Variants in MCM5 observed in about 807,000 individuals in gnomAD.
MCM5 encodes DNA replication licensing factor MCM5.
MCM5 carries 46 observed loss-of-function variants against 79.9 expected under a neutral mutation model. The observed-to-expected ratio is 0.58, with a 90% CI of 0.45 to 0.74. The LOEUF (loss-of-function observed/expected upper bound fraction) is 0.74. Among genes scored for constraint, MCM5 ranks in the 30% least tolerant of loss-of-function variants. MCM5 has a pLI of 0.00. For synonymous variants in MCM5, 404 were observed against 390.5 expected (o/e 1.03, Z -0.41); for missense variants, 883 against 1,017.0 (o/e 0.87, Z 1.79).
At chr22:35,404,892 G>A (rs566194741) in intron 4 of MCM5, among the ~76,000 whole-genome samples, 83 of 152,336 alleles carry the variant, frequency 5.4e-4, no homozygotes, top group African/African-American at 1.9e-3. Flanking sequence ...ATAGGAAGGA[G>A]TGGATCGGCT....
the MCM5 span, among the ~76,000 whole-genome samples, chr22:35,436,955 C>T: frequency 2.2e-5 from 2 of 92,498 alleles, no homozygotes; most frequent in Non-Finnish European, 3.0e-5. Flanking sequence ...GAGAGGGGTC[C>T]CAAGACTCAG....
chr22:35,421,275 A>G, intron 14 of MCM5, 43 bp from the exon 15 acceptor site: 1 of 1,591,418 alleles, frequency 6.3e-7, no homozygotes, highest in South Asian at 1.1e-5. Flanking sequence ...GAGGAAGGGA[A>G]TAGCGGACCG....
the MCM5 span, among the ~76,000 whole-genome samples, chr22:35,433,502 C>T: frequency 1.3e-5 from 2 of 152,208 alleles, no homozygotes; most frequent in Non-Finnish European, 2.9e-5. Flanking sequence ...TCCAATGCTC[C>T]TCTCCTAACC....
At chr22:35,420,118 G>A in intron 14 of MCM5, 106 bp downstream of exon 14, 2 of 1,331,548 alleles carry the variant, frequency 1.5e-6, no homozygotes, top group Non-Finnish European at 2.0e-6. Flanking sequence ...CTTGGCACAG[G>A]CCCATAGTAG....
chr22:35,450,652 G>A, the MCM5 span, among the ~76,000 whole-genome samples: 8 of 152,182 alleles, frequency 5.3e-5, no homozygotes, highest in Non-Finnish European at 8.8e-5. Flanking sequence ...GAGGAGCATC[G>A]AATGAGAAGA....
intron 11 of MCM5, 107 bp downstream of exon 11, chr22:35,416,511 C>CTGTGTGTGTGTGTGTGTGTGTGTG (rs133421): frequency 2.9e-6 from 3 of 1,024,210 alleles, no homozygotes; most frequent in South Asian, 3.0e-5. Context: ...GGCCTAGAAT[C>CTGTGTGTGTGTGTGTGTGTGTGTG]TGTGTGTGTG....
the MCM5 span, among the ~76,000 whole-genome samples, chr22:35,432,216 G>C: frequency 6.6e-6 from 1 of 152,184 alleles, no homozygotes; most frequent in Non-Finnish European, 1.5e-5. Context: ...CTTCCTGCTT[G>C]GGGGAGAAAG....
In MCM5 at chr22:35,400,488, G is replaced by T. The variant is rs1290401825; in HGVS notation, c.50G>T (p.Gly17Val). The T allele has an allele frequency of 1.9e-6, 3 of 1,614,128 alleles. No individual in the cohort carries two copies. The highest frequency in any genetic ancestry group is 1.7e-5 in the Admixed American group (1 of 60,028). ...PGIFYSDSFG[G>V]DAQADEGQAR... ...ATTTTCTACAGCGACAGCTTCGGGG[G>T]CGACGCCCAGGCCGACGAGGGGCAG... Residue 17 changes from glycine to valine, a missense_variant, in exon 2 of 17, where the codon GGC becomes GTC. Around this residue, in one of 3 missense-constraint regions of MCM5, gnomAD observed 455 missense variants for 517.5 expected, o/e 0.88. Transcript: ENST00000216122.
the MCM5 span, among the ~76,000 whole-genome samples, chr22:35,454,239 C>T: frequency 2.7e-3 from 408 of 152,252 alleles, 3 homozygotes; most frequent in African/African-American, 9.0e-3. Flanking sequence ...TCTGCACGTT[C>T]TCTAAGGCTT....
rs1932768722 is a variant in MCM5 at position 35,425,348 on chromosome 22, T to TTGCCTTG, written c.*1094_*1095insGCCTTGT. The TTGCCTTG allele has an allele frequency of 6.6e-6, 1 of 152,202 alleles. No homozygotes were observed. Among genetic ancestry groups the TTGCCTTG allele is most frequent in the Non-Finnish European group, 1.5e-5 (1 of 68,040 alleles). The allele number at this position is 152,202 out of a possible 1,614,324, so 9.4% of individuals were successfully genotyped here. On this transcript the variant is annotated 3_prime_UTR_variant, in exon 17 of 17. Transcript: ENST00000216122. The stretch of plus-strand genomic sequence containing the variant: ...ATCTATGGAACATTAGATAAGGTAT[T>TTGCCTTG]TAAAAGTAATTGCCATGTAAAAATG...
At chr22:35,407,788 A>G (rs1000260061) in intron 5 of MCM5, among the ~76,000 whole-genome samples, 4 of 151,886 alleles carry the variant, frequency 2.6e-5, no homozygotes, top group African/African-American at 7.3e-5. Context: ...TGTAGCTGTC[A>G]CTCTTTAATA....
At chr22:35,415,640 C>T (rs550435373) in intron 9 of MCM5, among the ~76,000 whole-genome samples, 189 bp from the exon 10 acceptor site, 9 of 152,320 alleles carry the variant, frequency 5.9e-5, no homozygotes, top group Admixed American at 1.3e-4. Flanking sequence ...CTGGGCACAC[C>T]GAGGCCCAGG....
chr22:35,411,041 C>G (rs4645778), intron 7 of MCM5, 131 bp downstream of exon 7: 11,844 of 785,934 alleles, frequency 0.015, 704 homozygotes, highest in African/African-American at 0.15. Context: ...TTAGAACGTT[C>G]ATTTTTATAT....
At chr22:35,438,346 T>TCCATCCAC in the MCM5 span, among the ~76,000 whole-genome samples, 1 of 141,074 alleles carries the variant, frequency 7.1e-6, no homozygotes, top group Non-Finnish European at 1.5e-5. Context: ...CATCCATCCA[T>TCCATCCAC]CCACTCACCC....
the MCM5 span, among the ~76,000 whole-genome samples, chr22:35,440,831 G>A: frequency 6.6e-6 from 1 of 152,072 alleles, no homozygotes; most frequent in Non-Finnish European, 1.5e-5. Flanking sequence ...GCCAAGGAGG[G>A]CCAATCACCT....
chr22:35,438,406 CATATTCATCCATCCATCCATCCAT>C, the MCM5 span, among the ~76,000 whole-genome samples: 1 of 143,878 alleles, frequency 7.0e-6, no homozygotes, highest in African/African-American at 2.6e-5. Flanking sequence ...CACCCACCCA[CATATTCATCCATCCATCCATCCAT>C]CCACATATTC....
chr22:35,434,045 G>A, the MCM5 span, among the ~76,000 whole-genome samples: 667 of 152,300 alleles, frequency 4.4e-3, 8 homozygotes, highest in African/African-American at 0.015. Context: ...ACTGAGTTTC[G>A]TGGGGAGAGA....
At chr22:35,449,550 C>CATGGCCTCTCTGTCCCAGCT in the MCM5 span, among the ~76,000 whole-genome samples, 3 of 148,926 alleles carry the variant, frequency 2.0e-5, no homozygotes, top group African/African-American at 7.6e-5. Flanking sequence ...GTGTCCCAAC[C>CATGGCCTCTCTGTCCCAGCT]GTGGCCTCTT....
the MCM5 span, among the ~76,000 whole-genome samples, chr22:35,438,454 CATATTCATCCAT>C: frequency 7.6e-6 from 1 of 131,492 alleles, no homozygotes; most frequent in Non-Finnish European, 1.6e-5. Context: ...CATCCATCCA[CATATTCATCCAT>C]CCATCCACAT....
Sources: allele counts gnomAD v4.1 joint callset (sites outside exome capture counted in the v4.1 genomes callset), GRCh38; gene constraint gnomAD v4.1.1; regional missense constraint gnomAD v4.1.1; transcripts MANE v1.5; gene names NCBI Gene and HGNC (gene_info 2026-07-23, HGNC 2026-07-21).